The following PLPPR1 variants were observed in gnomAD, a reference collection of about 807,000 sequenced individuals.
PLPPR1 encodes phospholipid phosphatase related 1.
PLPPR1 carries 10 observed loss-of-function variants against 33.1 expected under a neutral mutation model. The ratio of observed to expected loss-of-function variants is 0.30; its 90% CI spans 0.19 to 0.51. The LOEUF is 0.51. Among genes scored for constraint, PLPPR1 ranks in the 20% least tolerant of loss-of-function variants. The pLI is 0.97. For synonymous variants in PLPPR1, 151 were observed against 151.0 expected, an observed-to-expected ratio of 1.00 and a Z score of 0.00; for missense variants, 304 against 408.1, an observed-to-expected ratio of 0.74 and a Z score of 2.20.
intron 4 of PLPPR1, among the ~76,000 whole-genome samples, chr9:101,290,267 T>A (rs115050748): frequency 0.029 from 4,492 of 152,332 alleles, 224 homozygotes; most frequent in African/African-American, 0.1. Flanking sequence ...TACTACGCAA[T>A]TGACATTGGA....
At chr9:101,142,109 C>A (rs1831458792) in intron 1 of PLPPR1, among the ~76,000 whole-genome samples, 1 of 152,120 alleles carries the variant, frequency 6.6e-6, no homozygotes, top group South Asian at 2.1e-4. Flanking sequence ...CCAACTTTCT[C>A]CTTCACCAAG....
At chr9:101,036,328 A>G (rs1354178240) in intron 1 of PLPPR1, among the ~76,000 whole-genome samples, 1 of 152,198 alleles carries the variant, frequency 6.6e-6, no homozygotes, top group Non-Finnish European at 1.5e-5. Flanking sequence ...TAAGCATTTC[A>G]TGACCTGGCT....
chr9:101,190,537 A>G (rs972111912), intron 2 of PLPPR1, among the ~76,000 whole-genome samples: 3 of 152,114 alleles, frequency 2.0e-5, no homozygotes, highest in Admixed American at 6.6e-5. Flanking sequence ...TTTTAATTGT[A>G]TGAGCAGAGT....
At chr9:101,203,360 G>C (rs367587365) in intron 2 of PLPPR1, among the ~76,000 whole-genome samples, 14 of 152,260 alleles carry the variant, frequency 9.2e-5, no homozygotes, top group Admixed American at 7.2e-4. Context: ...AGACCTTAGG[G>C]GGGGAAAAAG....
intron 2 of PLPPR1, among the ~76,000 whole-genome samples, chr9:101,230,565 G>C (rs2118816471): frequency 6.6e-6 from 1 of 152,154 alleles, no homozygotes; most frequent in Admixed American, 6.6e-5. Context: ...TGTGGAAAAG[G>C]ACTGTGGTTT....
In PLPPR1 at chr9:101,269,413, G is replaced by A. The variant is rs575396895; in HGVS notation, c.64-467G>A. 1.2e-3 allele frequency among the ~76,000 whole-genome samples: 187 copies of A among 152,110 alleles called. 4 individuals are homozygous for A. In the Middle Eastern group the frequency reaches 0.014, roughly 11 times the overall value. On this transcript the variant is annotated intron_variant, in intron 2 of 7. Transcript: ENST00000374874. ...AATTTCTTCATTTGTCCATTCCTTC[G>A]TTTACTCGTGGTTTACCTACCTTTC...
At chr9:101,238,246 A>G (rs1827365386) in intron 2 of PLPPR1, among the ~76,000 whole-genome samples, 2 of 136,084 alleles carry the variant, frequency 1.5e-5, no homozygotes, top group Non-Finnish European at 3.2e-5. Flanking sequence ...ATACCTATAT[A>G]GAGAGAGGTA....
chr9:101,185,486 G>T lies in PLPPR1; in HGVS notation c.-9G>T, dbSNP rs377630329. The T allele has an allele frequency of 1.9e-6, 3 of 1,592,888 alleles. No individual in the cohort carries two copies. Among genetic ancestry groups the T allele is most frequent in the Non-Finnish European group, 2.6e-6 (3 of 1,162,336 alleles). ...TTTGACGGTGCAGTCTTGCTATATG[G>T]TGTGAGAAATGGCTGTAGGAAACAA... On this transcript the variant is annotated 5_prime_UTR_variant, in exon 2 of 8. Coordinates refer to ENST00000374874, the MANE Select transcript of PLPPR1 (RefSeq NM_207299.2).
chr9:101,222,187 T>C (rs902342351), intron 2 of PLPPR1, among the ~76,000 whole-genome samples: 1 of 152,200 alleles, frequency 6.6e-6, no homozygotes, highest in Non-Finnish European at 1.5e-5. Context: ...AAGCCAGCAG[T>C]ATGTATGACA....
Position 101,051,274 on chromosome 9 carries a change from T to TAC in PLPPR1, c.-46+22172_-46+22173insAC, listed in dbSNP as rs1564130768. Among the ~76,000 whole-genome samples, 136 of 147,396 alleles carry TAC rather than the reference T, an allele frequency of 9.2e-4. No individual in the cohort carries two copies. In the East Asian group the frequency reaches 0.013, roughly 14 times the overall value. ...CTACTACTACTACTACTACTACTAC[T>TAC]TCTACTACTACTACTACTACCACTA... On this transcript the variant is annotated intron_variant, in intron 1 of 7. Coordinates refer to ENST00000374874, the MANE Select transcript of PLPPR1 (RefSeq NM_207299.2).
At chr9:101,041,323 A>C (rs1359175706) in intron 1 of PLPPR1, among the ~76,000 whole-genome samples, 5 of 152,184 alleles carry the variant, frequency 3.3e-5, no homozygotes, top group Non-Finnish European at 7.4e-5. Flanking sequence ...AAGAAGATGA[A>C]ATTAAGTGGT....
chr9:101,070,848 T>A (rs1013074774), intron 1 of PLPPR1, among the ~76,000 whole-genome samples: 1 of 152,160 alleles, frequency 6.6e-6, no homozygotes, highest in African/African-American at 2.4e-5. Flanking sequence ...CTGCATTGTA[T>A]CCTCCAGCAC....
intron 2 of PLPPR1, among the ~76,000 whole-genome samples, chr9:101,264,418 A>G (rs1386775635): frequency 6.6e-6 from 1 of 152,106 alleles, no homozygotes; most frequent in Non-Finnish European, 1.5e-5. Flanking sequence ...CTCATGCAAT[A>G]TCCCCCCTTC....
intron 2 of PLPPR1, among the ~76,000 whole-genome samples, chr9:101,214,837 A>G (rs1826756454): frequency 1.3e-5 from 2 of 152,110 alleles, no homozygotes; most frequent in South Asian, 4.1e-4. Context: ...AGCCTGGCCA[A>G]CATGGTGAAA....
At chr9:101,258,624 A>G (rs1240143498) in intron 2 of PLPPR1, among the ~76,000 whole-genome samples, 1 of 152,182 alleles carries the variant, frequency 6.6e-6, no homozygotes, top group Non-Finnish European at 1.5e-5. Context: ...AAAATGCACA[A>G]GTCATCCATG....
At chr9:101,264,909 A>G (rs1588102083) in intron 2 of PLPPR1, among the ~76,000 whole-genome samples, 1 of 152,098 alleles carries the variant, frequency 6.6e-6, no homozygotes, top group East Asian at 1.9e-4. Context: ...AAGATGCTTC[A>G]TGTATACTCT....
rs562768776 is a variant in PLPPR1 at position 101,244,438 on chromosome 9, A to AT, written c.64-25431dup. Among the ~76,000 whole-genome samples, 334 of 148,172 alleles carry AT rather than the reference A, an allele frequency of 2.3e-3. 1 individual carries two copies. The highest frequency in any genetic ancestry group is 7.0e-3 in the African/African-American group (287 of 40,734). On this transcript the variant is annotated intron_variant, in intron 2 of 7. Transcript: ENST00000374874. The stretch of plus-strand genomic sequence containing the variant: ...ATTAGTTGACAGCTGAGAATGAATA[A>AT]TTTTTTTTTTTGGTATTTCTGTTAA...
intron 1 of PLPPR1, among the ~76,000 whole-genome samples, chr9:101,065,106 T>C (rs1468423928): frequency 6.6e-6 from 1 of 152,088 alleles, no homozygotes; most frequent in Non-Finnish European, 1.5e-5. Context: ...AACTGTCATA[T>C]CAACCAGGAG....
At chr9:101,185,966 A>G (rs1180029104) in intron 2 of PLPPR1, among the ~76,000 whole-genome samples, 1 of 151,864 alleles carries the variant, frequency 6.6e-6, no homozygotes, top group Non-Finnish European at 1.5e-5. Flanking sequence ...ATATTAGTTC[A>G]TGGTCTTTTG....
Sources: allele counts gnomAD v4.1 joint callset (sites outside exome capture counted in the v4.1 genomes callset), GRCh38; gene constraint gnomAD v4.1.1; transcripts MANE v1.5; gene names NCBI Gene and HGNC (gene_info 2026-07-23, HGNC 2026-07-21).